The following KCNN2 variants were observed in gnomAD, a reference collection of about 807,000 sequenced individuals.
The protein encoded by KCNN2 is small conductance calcium-activated potassium channel protein 2.
KCNN2 carries 24 observed loss-of-function variants against 55.5 expected under a neutral mutation model. That is an observed-to-expected ratio of 0.43 (90% confidence interval 0.31 to 0.61). KCNN2 has a LOEUF of 0.61. Among genes scored for constraint, KCNN2 ranks in the 20% least tolerant of loss-of-function variants. The probability of loss-of-function intolerance (pLI) is 0.08; values close to 1 mark genes in which losing one functional copy is unlikely to be tolerated. For missense variants in KCNN2, 754 were observed against 853.6 expected, an observed-to-expected ratio of 0.88 and a Z score of 1.45; for synonymous variants, 431 against 336.1, an observed-to-expected ratio of 1.28 and a Z score of -3.09.
intron 1 of KCNN2, among the ~76,000 whole-genome samples, chr5:114,088,076 C>T (rs1333842903): frequency 6.6e-6 from 1 of 151,980 alleles, no homozygotes; most frequent in African/African-American, 2.4e-5. Flanking sequence ...TGGGTTCTCT[C>T]AGCTTTTATT....
upstream of KCNN2, among the ~76,000 whole-genome samples, chr5:114,361,729 G>C (rs899116479): frequency 6.6e-6 from 1 of 152,194 alleles, no homozygotes; most frequent in Admixed American, 6.5e-5. Flanking sequence ...CAAGGGGGCA[G>C]CGGCACGGGA....
intron 2 of KCNN2, among the ~76,000 whole-genome samples, chr5:114,377,057 G>T (rs337698): frequency 0.1 from 15,588 of 152,156 alleles, 1,092 homozygotes; most frequent in African/African-American, 0.21. Flanking sequence ...TCTAGCCTGG[G>T]CAGCAGAGTG....
At chr5:114,281,264 C>T (rs1328058494) in intron 2 of KCNN2, among the ~76,000 whole-genome samples, 1 of 152,030 alleles carries the variant, frequency 6.6e-6, no homozygotes, top group South Asian at 2.1e-4. Context: ...GTTTCTTTAT[C>T]CCTGATGAAT....
intron 3 of KCNN2, among the ~76,000 whole-genome samples, chr5:114,418,476 CAG>C (rs753255966): frequency 3.3e-5 from 5 of 152,086 alleles, no homozygotes; most frequent in Non-Finnish European, 7.3e-5. Flanking sequence ...AGACTTCAGA[CAG>C]AGTTTTCTTC....
At chr5:114,416,604 G>C (rs1033940528) in intron 3 of KCNN2, among the ~76,000 whole-genome samples, 1 of 152,162 alleles carries the variant, frequency 6.6e-6, no homozygotes, top group Admixed American at 6.5e-5. Context: ...AGTGCCACAG[G>C]AGCAAAAGAT....
chr5:114,393,750 A>G (rs1362063377), intron 2 of KCNN2, among the ~76,000 whole-genome samples: 1 of 149,864 alleles, frequency 6.7e-6, no homozygotes, highest in Non-Finnish European at 1.5e-5. Flanking sequence ...CCTTTAACAA[A>G]TCTGCACAAA....
intron 1 of KCNN2, among the ~76,000 whole-genome samples, chr5:114,081,859 A>G (rs1455014380): frequency 1.3e-5 from 2 of 152,200 alleles, no homozygotes; most frequent in Non-Finnish European, 2.9e-5. Flanking sequence ...TTATTTGCCA[A>G]TCTATTTCTA....
intron 1 of KCNN2, among the ~76,000 whole-genome samples, chr5:114,109,332 T>A (rs1379554937): frequency 6.6e-6 from 1 of 152,084 alleles, no homozygotes; most frequent in African/African-American, 2.4e-5. Flanking sequence ...GGGTACAAGT[T>A]ACCATCTTAT....
At chr5:114,484,789 T>G (rs1033131817) in intron 5 of KCNN2, among the ~76,000 whole-genome samples, 2 of 152,152 alleles carry the variant, frequency 1.3e-5, no homozygotes, top group African/African-American at 4.8e-5. Flanking sequence ...ATTAGGGAAT[T>G]AGAAAGGGGA....
rs531307513 is a variant in KCNN2 at position 114,226,987 on chromosome 5, C to A, written c.-185+5422C>A. ...TTGTGGATTACCCTTTGATTTTTTT[C>A]ATGTAGTGGATTAAATAGCAAAATA... On this transcript the variant is annotated intron_variant, in intron 2 of 10. Transcript: ENST00000512097. Among the ~76,000 whole-genome samples, 4 of 149,548 alleles carry A rather than the reference C, an allele frequency of 2.7e-5. No homozygotes were observed. The South Asian group carries it at 8.4e-4, about 31-fold the overall frequency.
intron 2 of KCNN2, 101 bp downstream of exon 2, chr5:114,364,102 T>C: frequency 1.2e-6 from 1 of 839,130 alleles, no homozygotes; most frequent in Non-Finnish European, 2.0e-6. Flanking sequence ...ATGTCCTTGC[T>C]TGAGGTTACA....
intron 1 of KCNN2, among the ~76,000 whole-genome samples, chr5:114,066,941 ACT>A (rs1342047372): frequency 2.6e-5 from 4 of 152,180 alleles, no homozygotes; most frequent in Admixed American, 1.3e-4. Context: ...CAGGGAGTAG[ACT>A]CACATAACTG....
At chr5:114,184,933 G>C (rs944658700) in intron 1 of KCNN2, among the ~76,000 whole-genome samples, 1 of 152,270 alleles carries the variant, frequency 6.6e-6, no homozygotes, top group East Asian at 1.9e-4. Context: ...AATCATTTTA[G>C]CTGTCTTGTT....
chr5:114,086,246 G>A (rs76420936), intron 1 of KCNN2, among the ~76,000 whole-genome samples: 1,633 of 152,016 alleles, frequency 0.011, 20 homozygotes, highest in Non-Finnish European at 0.014. Context: ...GGGATGATTA[G>A]TCCAATCTGT....
intron 1 of KCNN2, among the ~76,000 whole-genome samples, chr5:114,188,905 A>T (rs2112560866): frequency 6.6e-6 from 1 of 152,304 alleles, no homozygotes; most frequent in Admixed American, 6.5e-5. Flanking sequence ...TGCATTTCTG[A>T]TTCAGATCCC....
chr5:114,343,595 A>G (rs1162903963), intron 2 of KCNN2, among the ~76,000 whole-genome samples: 1 of 152,134 alleles, frequency 6.6e-6, no homozygotes, highest in Non-Finnish European at 1.5e-5. Flanking sequence ...GAGGGGCAAA[A>G]GAATGAAGTC....
At chr5:114,134,470 T>G (rs562045654) in intron 1 of KCNN2, among the ~76,000 whole-genome samples, 10,557 of 72,594 alleles carry the variant, frequency 0.15, 455 homozygotes, top group Non-Finnish European at 0.19. Context: ...TTTATTTATT[T>G]ATTTATTTAT....
At chr5:114,440,304 A>G (rs4569861) in intron 3 of KCNN2, among the ~76,000 whole-genome samples, 5,498 of 152,266 alleles carry the variant, frequency 0.036, 135 homozygotes, top group Non-Finnish European at 0.052. Context: ...TTAACTCCTA[A>G]CCTAGACTTC....
chr5:114,082,798 TAAGAC>T (rs1483957268), intron 1 of KCNN2, among the ~76,000 whole-genome samples: 1 of 152,130 alleles, frequency 6.6e-6, no homozygotes, highest in Admixed American at 6.5e-5. Context: ...CTAAGTGAAA[TAAGAC>T]AATCACAAAG....
Sources: allele counts gnomAD v4.1 joint callset (sites outside exome capture counted in the v4.1 genomes callset), GRCh38; gene constraint gnomAD v4.1.1; transcripts MANE v1.5; gene names NCBI Gene and HGNC (gene_info 2026-07-23, HGNC 2026-07-21).